Variants in CDH19 observed in about 807,000 individuals in gnomAD.
CDH19 encodes cadherin-19.
CDH19 carries 67 observed loss-of-function variants against 64.2 expected under a neutral mutation model. That is an observed-to-expected ratio of 1.04 (90% CI 0.86 to 1.28). CDH19 has a LOEUF of 1.28. CDH19 is among the 50% of genes most tolerant of loss of function. The pLI, the probability that CDH19 is intolerant of heterozygous loss-of-function variation, is 0.00. For synonymous variants in CDH19, 346 were observed against 319.3 expected, an observed-to-expected ratio of 1.08 and a Z score of -0.89; for missense variants, 1,030 against 929.0, an observed-to-expected ratio of 1.11 and a Z score of -1.41.
At chr18:66,545,395 T>TCTTTCCTTCCTTCCTTC (rs1987073729) in intron 5 of CDH19, among the ~76,000 whole-genome samples, 1 of 125,444 alleles carries the variant, frequency 8.0e-6, no homozygotes, top group East Asian at 1.9e-4. Context: ...TTCCTTTCTT[T>TCTTTCCTTCCTTCCTTC]CTTTCCTTCC....
intron 9 of CDH19, among the ~76,000 whole-genome samples, chr18:66,519,459 G>A (rs1004141544): frequency 6.6e-6 from 1 of 152,088 alleles, no homozygotes; most frequent in Non-Finnish European, 1.5e-5. Flanking sequence ...ATCTAATTGG[G>A]GTAGTGTGGA....
Position 66,568,560 on chromosome 18 carries a change from T to C in CDH19, c.346A>G (p.Arg116Gly). The change falls in exon 3 of 12, where the codon AGA becomes GGA. Residue 116 changes from arginine (R) to glycine (G), a missense_variant. By Grantham distance (125) the Arg-to-Gly change is moderately radical. Transcript: ENST00000262150. ...GTAGCGATGTCTATTACCTGGGCTC[T>C]TAAGATGTAGAGGGATCGCTCCTCT... ...DREERSLYILRAQVIDIATGR... is the reference protein window; with the variant it reads ...DREERSLYILGAQVIDIATGR... 1.2e-6 allele frequency: 2 copies of C among 1,612,408 alleles called. No individual in the cohort carries two copies. Among genetic ancestry groups the C allele is most frequent in the South Asian group, 1.1e-5 (1 of 91,048 alleles).
rs562994220 is a variant in CDH19 at position 66,533,872 on chromosome 18, G to A, written c.1336+1114C>T. On this transcript the variant is annotated intron_variant, in intron 8 of 11. Coordinates refer to ENST00000262150, the MANE Select transcript of CDH19 (RefSeq NM_021153.4). ...ATGCCCTGTTTTCCACCAGTAGGTGGTTTGTTTATATTGCTATTGAAGCTT... is the reference window on the plus strand; with the variant it reads ...ATGCCCTGTTTTCCACCAGTAGGTGATTTGTTTATATTGCTATTGAAGCTT... 2.0e-5 allele frequency among the ~76,000 whole-genome samples: 3 copies of A among 152,068 alleles called. No homozygotes were observed. In the South Asian group the frequency reaches 6.2e-4, roughly 32 times the overall value.
At chr18:66,554,647 C>T (rs1000099518) in intron 3 of CDH19, 123 bp from the exon 4 acceptor site, 1 of 653,608 alleles carries the variant, frequency 1.5e-6, no homozygotes, top group Non-Finnish European at 2.4e-6. Context: ...AATTCACCTC[C>T]TTGTTCTTAA....
Position 66,534,981 on chromosome 18 carries a change from C to T in CDH19, c.1336+5G>A, listed in dbSNP as rs1986600912. On this transcript the variant is annotated splice_donor_5th_base_variant and intron_variant, in intron 8 of 11. Transcript: ENST00000262150. Reference sequence around the variant, plus strand: ...AACTGTATTGGATTTCAAATGAGTACTTACATTTTTCTGTGGCTGTAATAC... The same window carrying T: ...AACTGTATTGGATTTCAAATGAGTATTTACATTTTTCTGTGGCTGTAATAC... The T allele has an allele frequency of 1.4e-6, 2 of 1,446,276 alleles. No homozygotes were observed. The highest frequency in any genetic ancestry group is 1.9e-6 in the Non-Finnish European group (2 of 1,079,400). The allele number at this position is 1,446,276 out of a possible 1,614,324, so 89.6% of individuals were successfully genotyped here. A position where few individuals can be genotyped will look rare whatever the true frequency, so the allele number is the denominator to read the frequency against.
At position 66,572,332 on chromosome 18, in the gene CDH19, C is replaced by T. The variant is rs772726835; in HGVS notation, c.-112-16G>A. On this transcript the variant is annotated splice_polypyrimidine_tract_variant and intron_variant, in intron 1 of 11. Coordinates refer to ENST00000262150, the MANE Select transcript of CDH19 (RefSeq NM_021153.4). ...TTCTATATACCTAAAGCGTCAGAAA[C>T]AAAACAAAATTTGACATTTTAAAAT... 1.8e-6 allele frequency: 1 copy of T among 559,226 alleles called. No homozygotes were observed. The highest frequency in any genetic ancestry group is 2.9e-6 in the Non-Finnish European group (1 of 341,532). 34.6% of individuals were successfully genotyped at this position (559,226 alleles called of 1,614,324 possible).
Position 66,568,503 on chromosome 18 carries a change from C to A in CDH19, c.403G>T (p.Val135Phe), listed in dbSNP as rs1346185610. 1.2e-6 allele frequency: 2 copies of A among 1,612,152 alleles called. No homozygotes were observed. Among genetic ancestry groups the A allele is most frequent in the Admixed American group, 1.7e-5 (1 of 59,726 alleles). Reference protein sequence around the residue: ...GRAVEPESEFVIKVSDINDNE... With the variant: ...GRAVEPESEFFIKVSDINDNE... ...TCATTGATATCCGAAACTTTGATGA[C>A]AAACTCAGACTCAGGTTCCACAGCC... is the stretch of plus-strand genomic sequence containing the variant. Residue 135 changes from valine to phenylalanine, a missense_variant, in exon 3 of 12, where the codon GTC (valine) becomes TTC (phenylalanine). Val to Phe is a conservative substitution (Grantham distance 50). Transcript: ENST00000262150.
chr18:66,595,563 A>G (rs1388061225), intron 1 of CDH19, among the ~76,000 whole-genome samples: 1 of 151,298 alleles, frequency 6.6e-6, no homozygotes, highest in Non-Finnish European at 1.5e-5. Context: ...CACATAGTAG[A>G]AAACCTAGAA....
At chr18:66,556,371 T>G (rs1184572605) in intron 3 of CDH19, among the ~76,000 whole-genome samples, 1 of 151,754 alleles carries the variant, frequency 6.6e-6, no homozygotes, top group Non-Finnish European at 1.5e-5. Flanking sequence ...GATCTCTAGA[T>G]TTGTTTATCT....
Position 66,501,478 on chromosome 18 carries a change from TGAG to T in CDH19, c.*3331_*3333del, listed in dbSNP as rs976448061. On this transcript the variant is annotated 3_prime_UTR_variant, in exon 12 of 12. Coordinates refer to ENST00000262150, the MANE Select transcript of CDH19 (RefSeq NM_021153.4). ...TTTGAAGGAAGATTGCTTTAGTAAC[TGAG>T]GAGGAGAGAGGAAAGAGGAGAAACT... 3.3e-5 allele frequency: 5 copies of T among 151,994 alleles called. No individual in the cohort carries two copies. The highest frequency in any genetic ancestry group is 2.9e-5 in the Non-Finnish European group (2 of 68,026). The allele number at this position is 151,994 out of a possible 1,614,324, so 9.4% of individuals were successfully genotyped here. A position where few individuals can be genotyped will look rare whatever the true frequency, so the allele number is the denominator to read the frequency against.
chr18:66,538,256 C>T (rs1228220124), intron 7 of CDH19, among the ~76,000 whole-genome samples: 1 of 151,928 alleles, frequency 6.6e-6, no homozygotes, highest in Non-Finnish European at 1.5e-5. Context: ...TGTTATTTGT[C>T]TATAATATAA....
At chr18:66,588,607 T>TATAC (rs1988645831) in intron 1 of CDH19, among the ~76,000 whole-genome samples, 1 of 133,432 alleles carries the variant, frequency 7.5e-6, no homozygotes, top group African/African-American at 2.5e-5. Context: ...TTACTAATCA[T>TATAC]ATATATCTAT....
At chr18:66,531,042 G>T (rs1986424455) in intron 8 of CDH19, among the ~76,000 whole-genome samples, 1 of 151,982 alleles carries the variant, frequency 6.6e-6, no homozygotes, top group Non-Finnish European at 1.5e-5. Flanking sequence ...TGTCATATGC[G>T]ATAGAACAGC....
chr18:66,546,114 A>T (rs1019589896), intron 5 of CDH19, among the ~76,000 whole-genome samples: 2 of 152,150 alleles, frequency 1.3e-5, no homozygotes, highest in East Asian at 1.9e-4. Context: ...AACTCCTTAG[A>T]ATTCTAAAAA....
At chr18:66,560,649 A>T (rs1273238390) in intron 3 of CDH19, among the ~76,000 whole-genome samples, 1 of 151,982 alleles carries the variant, frequency 6.6e-6, no homozygotes, top group African/African-American at 2.4e-5. Flanking sequence ...TCAAAGCCCA[A>T]ATCTCTTTTT....
rs893345950 is a variant in CDH19, at chr18:66,504,742, A to G, written c.*70T>C. 1.3e-6 allele frequency: 2 copies of G among 1,486,712 alleles called. No individual in the cohort carries two copies. The highest frequency in any genetic ancestry group is 1.4e-5 in the African/African-American group (1 of 71,166). 92.1% of individuals were successfully genotyped at this position (1,486,712 alleles called of 1,614,324 possible). On this transcript the variant is annotated 3_prime_UTR_variant, in exon 12 of 12. Transcript: ENST00000262150. The stretch of plus-strand genomic sequence containing the variant: ...TTCCCCGCCATAGAGCCAGGGCACA[A>G]AACTCTTTAAGACTACCATTGGGTT...
intron 9 of CDH19, 132 bp from the exon 10 acceptor site, chr18:66,511,817 A>C (rs1396889036): frequency 4.7e-6 from 3 of 631,720 alleles, no homozygotes; most frequent in Non-Finnish European, 8.4e-6. Flanking sequence ...ATAACTGTCA[A>C]ATCAGTGGAG....
chr18:66,553,546 A>C (rs150879331), intron 4 of CDH19, among the ~76,000 whole-genome samples: 1,702 of 134,090 alleles, frequency 0.013, 524 homozygotes, highest in African/African-American at 0.054. Flanking sequence ...GATCCAACAC[A>C]ATACTTTAAT....
intron 1 of CDH19, among the ~76,000 whole-genome samples, chr18:66,592,252 T>C (rs774491913): frequency 1.1e-3 from 170 of 151,998 alleles, no homozygotes; most frequent in Middle Eastern, 0.01. Flanking sequence ...CATATTCAAA[T>C]ATGAACAAAT....
Sources: gnomAD v4.1 joint callset for allele counts (sites outside exome capture counted in the v4.1 genomes callset) on GRCh38, gnomAD v4.1.1 for gene constraint, MANE v1.5 for transcripts, NCBI Gene and HGNC (gene_info 2026-07-23, HGNC 2026-07-21) for gene names.